Variants in NEDD4 observed in about 807,000 individuals in gnomAD.
NEDD4 encodes the protein NEDD4 E3 ubiquitin protein ligase.
A neutral mutation model predicts 144.9 loss-of-function variants in NEDD4; 99 were observed. That is an observed-to-expected ratio of 0.68 (90% CI 0.58 to 0.81). NEDD4 has a LOEUF of 0.81. NEDD4 is among the 30% of genes least tolerant of loss of function. The pLI is 0.00. For missense variants in NEDD4, 985 were observed against 1,065.9 expected (o/e 0.92, Z 1.06); for synonymous variants, 318 against 350.6 (o/e 0.91, Z 1.04).
chr15:55,984,179 A>G (rs2037852730), intron 1 of NEDD4, among the ~76,000 whole-genome samples: 1 of 152,224 alleles, frequency 6.6e-6, no homozygotes, highest in Non-Finnish European at 1.5e-5. Context: ...TGAGAGCATA[A>G]CAATTACAAG....
intron 4 of NEDD4, among the ~76,000 whole-genome samples, chr15:55,944,190 T>A (rs1402861093): frequency 6.6e-6 from 1 of 152,166 alleles, no homozygotes; most frequent in Admixed American, 6.5e-5. Context: ...GGGCATTGCC[T>A]CACCTCGGAA....
Position 55,848,507 on chromosome 15 carries a change from C to T in NEDD4, c.1483+14G>A, listed in dbSNP as rs1254510884. ...TACAAAAAATAACATAATGAAAAATCGCACTGCACATACTGTGATTTATGT... is the reference window on the plus strand; with the variant it reads ...TACAAAAAATAACATAATGAAAAATTGCACTGCACATACTGTGATTTATGT... On this transcript the variant is annotated intron_variant, in intron 16 of 28. Transcript: ENST00000435532. 8 of 1,613,090 alleles carry T rather than the reference C, an allele frequency of 5.0e-6. No homozygotes were observed. Among genetic ancestry groups the T allele is most frequent in the African/African-American group, 2.7e-5 (2 of 74,898 alleles).
chr15:55,835,991 G>A (rs573329098), intron 24 of NEDD4, among the ~76,000 whole-genome samples: 6 of 152,202 alleles, frequency 3.9e-5, no homozygotes, highest in African/African-American at 1.4e-4. Context: ...TGTTAGCTCC[G>A]CAGGCTGATT....
intron 5 of NEDD4, among the ~76,000 whole-genome samples, chr15:55,906,161 G>A (rs2036085422): frequency 6.6e-6 from 1 of 152,154 alleles, no homozygotes; most frequent in Admixed American, 6.5e-5. Context: ...TGGAGAAATA[G>A]GAACACTTTT....
intron 9 of NEDD4, 124 bp downstream of exon 9, chr15:55,862,789 C>T: frequency 1.2e-6 from 1 of 830,450 alleles, no homozygotes; most frequent in Non-Finnish European, 1.7e-6. Flanking sequence ...CAATAAAAAT[C>T]CTAGTATTCT....
chr15:55,948,351 T>A (rs1378893029), intron 4 of NEDD4, among the ~76,000 whole-genome samples: 5 of 152,146 alleles, frequency 3.3e-5, no homozygotes, highest in African/African-American at 1.2e-4. Flanking sequence ...ATAGGAAGAA[T>A]CAATATTGTG....
chr15:55,992,574 A>G (rs2038005236), intron 1 of NEDD4, among the ~76,000 whole-genome samples: 1 of 152,116 alleles, frequency 6.6e-6, no homozygotes, highest in Admixed American at 6.5e-5. Context: ...AAAAAACTTG[A>G]TTTTTTTCAC....
At chr15:55,990,015 T>C (rs1403844008) in intron 1 of NEDD4, among the ~76,000 whole-genome samples, 1 of 151,936 alleles carries the variant, frequency 6.6e-6, no homozygotes, top group Non-Finnish European at 1.5e-5. Context: ...GCGATCTAGG[T>C]TGTGTACCCC....
At chr15:55,956,043 G>A (rs1213890198) in intron 2 of NEDD4, among the ~76,000 whole-genome samples, 1 of 151,894 alleles carries the variant, frequency 6.6e-6, no homozygotes, top group Non-Finnish European at 1.5e-5. Flanking sequence ...CGAACTCCAG[G>A]GCTCAAGTGA....
At chr15:55,921,456 C>T (rs2036567875) in intron 5 of NEDD4, among the ~76,000 whole-genome samples, 1 of 151,944 alleles carries the variant, frequency 6.6e-6, no homozygotes, top group South Asian at 2.1e-4. Flanking sequence ...TCCAGAGTAG[C>T]CGGGACTACA....
Position 55,873,070 on chromosome 15 carries a change from T to C in NEDD4, c.343-594A>G, listed in dbSNP as rs1477294060. On this transcript the variant is annotated intron_variant, in intron 6 of 28. Coordinates refer to ENST00000435532, the MANE Select transcript of NEDD4 (RefSeq NM_006154.4). ...TTCTCTGATGTTCTGCATTGTTAAC[T>C]ACCCAGTCTGCCTTGAAACTCCTTT... Among the ~76,000 whole-genome samples, 4 of 152,200 alleles carry C rather than the reference T, an allele frequency of 2.6e-5. No individual in the cohort carries two copies. The East Asian group carries it at 7.7e-4, about 29-fold the overall frequency.
chr15:55,857,269 AC>A (rs2034232344), intron 11 of NEDD4, among the ~76,000 whole-genome samples: 1 of 152,224 alleles, frequency 6.6e-6, no homozygotes, highest in Non-Finnish European at 1.5e-5. Flanking sequence ...GTCTTTGACC[AC>A]TAATAGTAAC....
At chr15:55,948,495 A>G (rs942268724) in intron 4 of NEDD4, among the ~76,000 whole-genome samples, 2 of 152,204 alleles carry the variant, frequency 1.3e-5, no homozygotes, top group Non-Finnish European at 2.9e-5. Flanking sequence ...CACATAGCCA[A>G]GACAATCCTA....
rs564129162 is a variant in NEDD4 at position 55,872,507 on chromosome 15, A to T, written c.343-31T>A. On this transcript the variant is annotated intron_variant, in intron 6 of 28. Coordinates refer to ENST00000435532, the MANE Select transcript of NEDD4 (RefSeq NM_006154.4). ...ATAAAATAGTGGGTTTTCAAAATAT[A>T]TCTATAACACCAAAAGCATGTACTT... is the stretch of plus-strand genomic sequence containing the variant. The T allele has an allele frequency of 5.0e-6, 5 of 1,001,688 alleles. No individual in the cohort carries two copies. The South Asian group carries it at 1.0e-4, about 21-fold the overall frequency. The allele number at this position is 1,001,688 out of a possible 1,614,324, so 62.0% of individuals were successfully genotyped here.
At chr15:55,985,795 CTG>C (rs1470345146) in intron 1 of NEDD4, among the ~76,000 whole-genome samples, 2 of 150,162 alleles carry the variant, frequency 1.3e-5, no homozygotes, top group Admixed American at 1.3e-4. Flanking sequence ...ACACGCTTAA[CTG>C]TTCAGAGATG....
At chr15:55,864,133 T>A (rs562792682) in intron 8 of NEDD4, among the ~76,000 whole-genome samples, 5 of 152,274 alleles carry the variant, frequency 3.3e-5, no homozygotes, top group Admixed American at 2.6e-4. Flanking sequence ...TGCTTTTATA[T>A]GAGAAACCTC....
At chr15:55,850,521 A>G (rs2033940932) in intron 14 of NEDD4, 21 bp downstream of exon 14, 1 of 1,609,840 alleles carries the variant, frequency 6.2e-7, no homozygotes, top group Admixed American at 1.7e-5. Context: ...ATAAATTTAA[A>G]TGGAAAAGTA....
At chr15:55,951,965 G>A (rs1480167978) in intron 2 of NEDD4, among the ~76,000 whole-genome samples, 1 of 151,506 alleles carries the variant, frequency 6.6e-6, no homozygotes, top group Non-Finnish European at 1.5e-5. Context: ...GTTGTCTCAA[G>A]TTATCTCATG....
chr15:55,859,485 G>C (rs761668982), intron 11 of NEDD4, among the ~76,000 whole-genome samples: 1 of 152,204 alleles, frequency 6.6e-6, no homozygotes, highest in Admixed American at 6.5e-5. Flanking sequence ...CTTGAGGCCA[G>C]GAGTTCAAGA....
Sources: gnomAD v4.1 joint callset for allele counts (sites outside exome capture counted in the v4.1 genomes callset) on GRCh38, gnomAD v4.1.1 for gene constraint, MANE v1.5 for transcripts, NCBI Gene and HGNC (gene_info 2026-07-23, HGNC 2026-07-21) for gene names.